The following ZNF148 variants were observed in gnomAD, a reference collection of about 807,000 sequenced individuals.
ZNF148 encodes Beta-Enolase Repressor Factor-1.
Under a neutral mutation model 67.7 loss-of-function variants are expected in ZNF148, and 7 were observed. The observed-to-expected ratio is 0.10, with a 90% CI of 0.06 to 0.19. The LOEUF is 0.19. Ranked by LOEUF, ZNF148 falls within the 10% of genes least tolerant of loss-of-function variation. The pLI is 1.00. For synonymous variants in ZNF148, 333 were observed against 330.7 expected (o/e 1.01, Z -0.08); for missense variants, 583 against 947.1 (o/e 0.62, Z 5.05).
At chr3:125,264,742 C>T (rs1300768472) in intron 7 of ZNF148, among the ~76,000 whole-genome samples, 1 of 152,160 alleles carries the variant, frequency 6.6e-6, no homozygotes, top group East Asian at 1.9e-4. Context: ...ATTCAATTTT[C>T]AGTCTTCAGG....
At chr3:125,273,334 T>C (rs1463102794) in intron 7 of ZNF148, among the ~76,000 whole-genome samples, 8 of 152,156 alleles carry the variant, frequency 5.3e-5, no homozygotes, top group Non-Finnish European at 1.2e-4. Context: ...AACACTAACT[T>C]AGATGACAGG....
intron 3 of ZNF148, among the ~76,000 whole-genome samples, chr3:125,314,193 T>TA (rs1553707553): frequency 1.3e-5 from 2 of 152,012 alleles, no homozygotes; most frequent in Non-Finnish European, 2.9e-5. Flanking sequence ...GTTGAAGTAT[T>TA]AAAAAAAGAC....
chr3:125,355,690 C>T (rs1942315727), intron 1 of ZNF148, among the ~76,000 whole-genome samples: 1 of 150,890 alleles, frequency 6.6e-6, no homozygotes, highest in African/African-American at 2.4e-5. Context: ...TGTTTGAGAC[C>T]AGGCTGCTCA....
intron 3 of ZNF148, among the ~76,000 whole-genome samples, chr3:125,321,718 C>G (rs1940779328): frequency 6.6e-6 from 1 of 152,056 alleles, no homozygotes; most frequent in Non-Finnish European, 1.5e-5. Context: ...ATCTGACATT[C>G]TGTTGGATCT....
At chr3:125,365,979 T>C (rs111550729) in intron 1 of ZNF148, among the ~76,000 whole-genome samples, 9 of 152,348 alleles carry the variant, frequency 5.9e-5, no homozygotes, top group African/African-American at 1.9e-4. Flanking sequence ...CTGGTCTTTT[T>C]GTTTTCTAAC....
intron 1 of ZNF148, among the ~76,000 whole-genome samples, chr3:125,350,782 A>G (rs1483335695): frequency 6.6e-6 from 1 of 152,230 alleles, no homozygotes; most frequent in African/African-American, 2.4e-5. Context: ...CCTGCTGTGC[A>G]GCCCAATCTG....
At chr3:125,315,450 T>C (rs1940440547) in intron 3 of ZNF148, among the ~76,000 whole-genome samples, 1 of 152,098 alleles carries the variant, frequency 6.6e-6, no homozygotes, top group Non-Finnish European at 1.5e-5. Context: ...GGCTCACGTC[T>C]GTCATCCCAA....
intron 4 of ZNF148, among the ~76,000 whole-genome samples, chr3:125,292,119 G>A (rs1939049736): frequency 6.6e-6 from 1 of 152,180 alleles, no homozygotes; most frequent in African/African-American, 2.4e-5. Context: ...CCAGACAACA[G>A]GAAGACTTCA....
intron 4 of ZNF148, among the ~76,000 whole-genome samples, chr3:125,293,358 T>C (rs1939118258): frequency 2.0e-5 from 3 of 152,318 alleles, no homozygotes; most frequent in South Asian, 2.1e-4. Flanking sequence ...TGTGGGTTAG[T>C]AGACATACAT....
At chr3:125,286,596 GACT>G (rs770959026) in intron 5 of ZNF148, among the ~76,000 whole-genome samples, 13 of 151,980 alleles carry the variant, frequency 8.6e-5, no homozygotes, top group South Asian at 2.1e-4. Context: ...GAAACAAAAG[GACT>G]ACAACTTTCA....
chr3:125,296,456 A>G (rs2107640636), intron 4 of ZNF148, among the ~76,000 whole-genome samples: 1 of 152,108 alleles, frequency 6.6e-6, no homozygotes, highest in Non-Finnish European at 1.5e-5. Flanking sequence ...TCTACCTTCC[A>G]CCCAGGACAA....
chr3:125,357,032 AG>A (rs1177665486), intron 1 of ZNF148: 2 of 152,238 alleles, frequency 1.3e-5, no homozygotes, highest in Admixed American at 1.3e-4. Context: ...GATTTGTAAA[AG>A]AGGAATAAGA....
intron 3 of ZNF148, among the ~76,000 whole-genome samples, chr3:125,320,528 T>C (rs912392814): frequency 6.6e-6 from 1 of 152,210 alleles, no homozygotes; most frequent in Non-Finnish European, 1.5e-5. Context: ...TAATATTATT[T>C]TCCATAAACT....
At chr3:125,367,839 G>A (rs1942748085) in intron 1 of ZNF148, among the ~76,000 whole-genome samples, 1 of 152,152 alleles carries the variant, frequency 6.6e-6, no homozygotes. Context: ...ACAACTAAAA[G>A]TTACACTATA....
At chr3:125,336,496 A>G in intron 1 of ZNF148, among the ~76,000 whole-genome samples, 1 of 152,302 alleles carries the variant, frequency 6.6e-6, no homozygotes, top group South Asian at 2.1e-4. Context: ...TGTGTTCTTT[A>G]AATTTATAGT....
chr3:125,329,263 T>C (rs1941166806), intron 2 of ZNF148, among the ~76,000 whole-genome samples: 1 of 147,692 alleles, frequency 6.8e-6, no homozygotes, highest in Admixed American at 6.8e-5. Context: ...AGTATATACA[T>C]ATGAATGTAT....
rs115364447 is a variant in ZNF148 at position 125,232,292 on chromosome 3, G to C, written c.*49C>G. On this transcript the variant is annotated 3_prime_UTR_variant, in exon 9 of 9. Coordinates refer to ENST00000360647, the MANE Select transcript of ZNF148 (RefSeq NM_021964.3). This position sits in a 1 kb window ranked among gnomAD's most constrained non-coding sequence, Gnocchi z 4.2. Reference sequence around the variant, plus strand: ...ATTTACACAGAGTAACCCCACTCTTGATTAATCTGTTCTAAAGTGCCAGTA... The same window carrying C: ...ATTTACACAGAGTAACCCCACTCTTCATTAATCTGTTCTAAAGTGCCAGTA... 5,539 of 1,536,798 alleles carry C rather than the reference G, an allele frequency of 3.6e-3. 20 individuals are homozygous for C. Among genetic ancestry groups the C allele is most frequent in the Non-Finnish European group, 4.4e-3 (5,051 of 1,145,340 alleles).
At chr3:125,302,175 A>G (rs1258179242) in intron 4 of ZNF148, among the ~76,000 whole-genome samples, 1 of 152,028 alleles carries the variant, frequency 6.6e-6, no homozygotes, top group Admixed American at 6.6e-5. Flanking sequence ...CCAGGAGTTC[A>G]AGAGCAGTCT....
At chr3:125,239,969 T>G (rs1007952404) in intron 7 of ZNF148, among the ~76,000 whole-genome samples, 2 of 152,242 alleles carry the variant, frequency 1.3e-5, no homozygotes, top group Admixed American at 1.3e-4. Context: ...TAGGTTTTCT[T>G]CTGGGGGGTG....
Sources: gnomAD v4.1 joint callset for allele counts (sites outside exome capture counted in the v4.1 genomes callset) on GRCh38, gnomAD v4.1.1 for gene constraint, Gnocchi (gnomAD v3.1) non-coding constraint, MANE v1.5 for transcripts, NCBI Gene and HGNC (gene_info 2026-07-23, HGNC 2026-07-21) for gene names.